DCAF5: variants seen among roughly 807,000 people sequenced by gnomAD.
The protein encoded by DCAF5 is DDB1 and CUL4 associated factor 5.
In DCAF5, 9 loss-of-function variants were observed where a neutral mutation model predicts 80.7. The observed-to-expected ratio is 0.11, with a 90% CI of 0.07 to 0.19. The LOEUF is 0.19. DCAF5 is among the 10% of genes least tolerant of loss of function. DCAF5 has a pLI of 1.00. For synonymous variants in DCAF5, 433 were observed against 461.9 expected (o/e 0.94, Z 0.80); for missense variants, 842 against 1,205.7 (o/e 0.70, Z 4.47).
intron 1 of DCAF5, among the ~76,000 whole-genome samples, chr14:69,128,317 G>T (rs1489853530): frequency 6.6e-6 from 1 of 151,832 alleles, no homozygotes; most frequent in Non-Finnish European, 1.5e-5. Flanking sequence ...TCCATGGGTA[G>T]CTGGGACTAC....
rs1415337104 is a variant in DCAF5 at position 69,091,218 on chromosome 14, A to C, written c.879+456T>G. On this transcript the variant is annotated intron_variant, in intron 6 of 8. Coordinates refer to ENST00000341516, the MANE Select transcript of DCAF5 (RefSeq NM_003861.3). Reference sequence around the variant, plus strand: ...CCTCTCAAACAAAGCTGCTTACCCCATTTCATCCAAGAAAAAGATGGCATC... The same window carrying C: ...CCTCTCAAACAAAGCTGCTTACCCCCTTTCATCCAAGAAAAAGATGGCATC... 8.4e-5 allele frequency: 59 copies of C among 698,538 alleles called. 1 individual carries two copies. The highest frequency in any genetic ancestry group is 1.0e-5 in the Non-Finnish European group (4 of 383,262). 43.3% of individuals were successfully genotyped at this position (698,538 alleles called of 1,614,324 possible).
intron 8 of DCAF5, among the ~76,000 whole-genome samples, chr14:69,062,025 GA>G (rs2038234322): frequency 6.6e-6 from 1 of 151,966 alleles, no homozygotes; most frequent in Non-Finnish European, 1.5e-5. Context: ...AAATGGTTCT[GA>G]AAAGAGCATT....
Position 69,055,490 on chromosome 14 carries a change from C to T in DCAF5, c.1196G>A (p.Gly399Asp). 1.2e-6 allele frequency: 2 copies of T among 1,614,196 alleles called. No individual in the cohort carries two copies. The highest frequency in any genetic ancestry group is 1.7e-6 in the Non-Finnish European group (2 of 1,180,044). The part of the protein sequence containing the change: ...YISLVLNSGS[G>D]LSHDYANQSV... ...CTGGTTGGCGTAGTCATGCGACAGG[C>T]CACTCCCACTGTTCAGCACAAGGCT... Residue 399 changes from glycine to aspartate, a missense_variant, in exon 9 of 9, where the codon GGC (glycine) becomes GAC (aspartate). This residue lies in a region of DCAF5 where 65 missense variants were observed against 191.3 expected (regional missense o/e 0.34). Coordinates refer to ENST00000341516, the MANE Select transcript of DCAF5 (RefSeq NM_003861.3). This position sits in a 1 kb window ranked among gnomAD's most constrained non-coding sequence, Gnocchi z 5.6.
rs1040610125 is a variant in DCAF5, at chr14:69,084,891, A to G, written c.879+6783T>C. The G allele has an allele frequency of 1.3e-5, 18 of 1,340,800 alleles. No homozygotes were observed. In the African/African-American group the frequency reaches 2.0e-4, roughly 15 times the overall value. The allele number at this position is 1,340,800 out of a possible 1,614,324, so 83.1% of individuals were successfully genotyped here. A position where few individuals can be genotyped will look rare whatever the true frequency, so the allele number is the denominator to read the frequency against. On this transcript the variant is annotated intron_variant, in intron 6 of 8. Coordinates refer to ENST00000341516, the MANE Select transcript of DCAF5 (RefSeq NM_003861.3). ...ATTGTTCAGTATGACCCTCCGGATG[A>G]CCCTAAGGAATAATATTCATCGTGT... is the stretch of plus-strand genomic sequence containing the variant.
At chr14:69,060,437 A>G (rs760569588) in intron 8 of DCAF5, among the ~76,000 whole-genome samples, 10 of 152,226 alleles carry the variant, frequency 6.6e-5, no homozygotes, top group Non-Finnish European at 1.2e-4. Context: ...GTGTGCTGCA[A>G]TGAAAGTCAG....
At chr14:69,136,074 TA>T (rs2140102770) in intron 1 of DCAF5, among the ~76,000 whole-genome samples, 1 of 151,726 alleles carries the variant, frequency 6.6e-6, no homozygotes, top group South Asian at 2.1e-4. Context: ...TCTAAGACAT[TA>T]ACATGCTCTT....
chr14:69,107,461 A>G (rs1474121995), intron 5 of DCAF5, among the ~76,000 whole-genome samples: 2 of 152,234 alleles, frequency 1.3e-5, no homozygotes, highest in Non-Finnish European at 2.9e-5. Flanking sequence ...ATCTCTAGGT[A>G]TGGGGTCCAG....
chr14:69,116,306 A>T, intron 5 of DCAF5, 60 bp downstream of exon 5: 1 of 1,571,488 alleles, frequency 6.4e-7, no homozygotes, highest in Non-Finnish European at 8.7e-7. Flanking sequence ...CTGGCTGGTC[A>T]CATTACCTGA....
At position 69,153,048 on chromosome 14, in the gene DCAF5, C is replaced by G. The variant is rs923221053; in HGVS notation, c.-70G>C. 2 of 1,205,846 alleles carry G rather than the reference C, an allele frequency of 1.7e-6. No homozygotes were observed. The highest frequency in any genetic ancestry group is 2.2e-6 in the Non-Finnish European group (2 of 915,894). 74.7% of individuals were successfully genotyped at this position (1,205,846 alleles called of 1,614,324 possible). A position where few individuals can be genotyped will look rare whatever the true frequency, so the allele number is the denominator to read the frequency against. On this transcript the variant is annotated 5_prime_UTR_variant, in exon 1 of 9. Coordinates refer to ENST00000341516, the MANE Select transcript of DCAF5 (RefSeq NM_003861.3). ...GGCCTCACGCGCGGCCGCTGCTCCC[C>G]CCACCCGGCCCTCCCCCCGCGCTGC...
chr14:69,058,575 G>T (rs1447839939), intron 8 of DCAF5, among the ~76,000 whole-genome samples: 1 of 148,876 alleles, frequency 6.7e-6, no homozygotes, highest in African/African-American at 2.5e-5. Flanking sequence ...TCATAATCGG[G>T]CAAAGTTCAT....
At chr14:69,065,409 T>G (rs2038401313) in intron 7 of DCAF5, among the ~76,000 whole-genome samples, 1 of 152,192 alleles carries the variant, frequency 6.6e-6, no homozygotes. Flanking sequence ...TTTTTCTTCT[T>G]GGTAGCAATT....
At chr14:69,141,042 G>C (rs1466902350) in intron 1 of DCAF5, among the ~76,000 whole-genome samples, 1 of 150,630 alleles carries the variant, frequency 6.6e-6, no homozygotes, top group Non-Finnish European at 1.5e-5. Context: ...GCTGAGGCAG[G>C]AGAATTGCTT....
intron 5 of DCAF5, among the ~76,000 whole-genome samples, chr14:69,099,778 A>AC (rs1159369792): frequency 1.4e-5 from 1 of 72,662 alleles, no homozygotes; most frequent in Non-Finnish European, 3.0e-5. Context: ...CCCTGTCTCT[A>AC]CAAAAAAAAA....
At chr14:69,127,128 C>T (rs2040902312) in intron 1 of DCAF5, among the ~76,000 whole-genome samples, 1 of 152,192 alleles carries the variant, frequency 6.6e-6, no homozygotes, top group Non-Finnish European at 1.5e-5. Context: ...AGCAATCATG[C>T]TCCTTGGTAT....
rs371909092 is a variant in DCAF5 at position 69,090,275 on chromosome 14, C to T, written c.879+1399G>A. 116 of 237,402 alleles carry T rather than the reference C, an allele frequency of 4.9e-4. No individual in the cohort carries two copies. In the South Asian group the frequency reaches 0.017, roughly 36 times the overall value. 14.7% of individuals were successfully genotyped at this position (237,402 alleles called of 1,614,324 possible). ...ATATCTGTTCTATTGAGAGTCTGAT[C>T]GCCTATAGAAACTGTTTCTTCCCAC... On this transcript the variant is annotated intron_variant, in intron 6 of 8. Transcript: ENST00000341516.
intron 1 of DCAF5, among the ~76,000 whole-genome samples, chr14:69,139,839 A>C (rs1355754265): frequency 6.6e-6 from 1 of 150,996 alleles, no homozygotes; most frequent in African/African-American, 2.4e-5. Flanking sequence ...AAAAAAAAAA[A>C]AGAAAGAAAA....
intron 7 of DCAF5, among the ~76,000 whole-genome samples, chr14:69,070,553 G>A (rs1462030989): frequency 1.3e-5 from 2 of 152,178 alleles, no homozygotes; most frequent in African/African-American, 2.4e-5. Context: ...TGGTAGTTAA[G>A]TTCAAGTTAG....
At position 69,152,493 on chromosome 14, in the gene DCAF5, T is replaced by G; in HGVS notation, c.214+272A>C. On this transcript the variant is annotated intron_variant, in intron 1 of 8. Transcript: ENST00000341516. This position sits in a 1 kb window ranked among gnomAD's most constrained non-coding sequence, Gnocchi z 4.1. ...TCGCCCCCCTCCCCGACCTACACTT[T>G]CAGGGCAGGCATCAGGAGAGATCAC... 1 of 363,388 alleles carries G rather than the reference T, an allele frequency of 2.8e-6. No homozygotes were observed. The highest frequency in any genetic ancestry group is 5.0e-6 in the Non-Finnish European group (1 of 198,350). The allele number at this position is 363,388 out of a possible 1,614,324, so 22.5% of individuals were successfully genotyped here. A position where few individuals can be genotyped will look rare whatever the true frequency, so the allele number is the denominator to read the frequency against.
intron 6 of DCAF5, chr14:69,084,052 C>T: frequency 1.3e-6 from 1 of 780,788 alleles, no homozygotes; most frequent in East Asian, 2.4e-5. Context: ...GCTACAAAAA[C>T]CGTCAGTGGT....
Sources: allele counts gnomAD v4.1 joint callset (sites outside exome capture counted in the v4.1 genomes callset), GRCh38; gene constraint gnomAD v4.1.1; regional missense constraint gnomAD v4.1.1; non-coding constraint Gnocchi (gnomAD v3.1); transcripts MANE v1.5; gene names NCBI Gene and HGNC (gene_info 2026-07-23, HGNC 2026-07-21).